The following PRR16 variants were observed in gnomAD, a reference collection of about 807,000 sequenced individuals.
The protein encoded by PRR16 is proline rich 16, also known as protein Largen.
Under a neutral mutation model 18.2 loss-of-function variants are expected in PRR16, and 6 were observed. That is an observed-to-expected ratio of 0.33 (90% CI 0.18 to 0.65). The LOEUF is 0.65. Among genes scored for constraint, PRR16 ranks in the 30% least tolerant of loss-of-function variants. The pLI is 0.74. For missense variants in PRR16, 412 were observed against 376.6 expected (o/e 1.09, Z -0.78); for synonymous variants, 151 against 147.8 (o/e 1.02, Z -0.16).
At chr5:120,677,790 A>C (rs2150151574) in intron 1 of PRR16, among the ~76,000 whole-genome samples, 1 of 152,182 alleles carries the variant, frequency 6.6e-6, no homozygotes, top group South Asian at 2.1e-4. Flanking sequence ...TAAAAAAGTA[A>C]GATTTAGGTT....
intron 1 of PRR16, among the ~76,000 whole-genome samples, chr5:120,480,557 T>C (rs969245879): frequency 1.5e-4 from 23 of 152,220 alleles, no homozygotes; most frequent in African/African-American, 5.5e-4. Flanking sequence ...TACTATCTAA[T>C]GGAGTTAACT....
the PRR16 span, among the ~76,000 whole-genome samples, chr5:120,730,337 A>G: frequency 6.6e-6 from 1 of 152,182 alleles, no homozygotes; most frequent in Non-Finnish European, 1.5e-5. Context: ...TTTAGTGTGA[A>G]GATGTGCAAT....
In PRR16 at chr5:120,667,203, G is replaced by A. The variant is rs199764613; in HGVS notation, c.160-18751G>A. ...TTAGTCTTGGGAGAGTGTATGTGTC[G>A]AGGAATTTATCCATTTAGATTTTCT... On this transcript the variant is annotated intron_variant, in intron 1 of 1. Transcript: ENST00000407149. Among the ~76,000 whole-genome samples the A allele has an allele frequency of 5.6e-4, 84 of 151,344 alleles. No individual in the cohort carries two copies. The East Asian group carries it at 0.014, about 25-fold the overall frequency.
chr5:120,490,330 T>A (rs1007194797), intron 1 of PRR16, among the ~76,000 whole-genome samples: 3 of 152,226 alleles, frequency 2.0e-5, no homozygotes, highest in African/African-American at 7.2e-5. Context: ...GTCCCATATT[T>A]CTTGGAGGCT....
At chr5:120,474,031 TG>T (rs1334906432) in intron 1 of PRR16, among the ~76,000 whole-genome samples, 1 of 152,094 alleles carries the variant, frequency 6.6e-6, no homozygotes, top group Non-Finnish European at 1.5e-5. Context: ...GGCCTTATAG[TG>T]GACAAGTTTC....
At chr5:120,587,614 C>T (rs1261106954) in intron 1 of PRR16, among the ~76,000 whole-genome samples, 2 of 152,122 alleles carry the variant, frequency 1.3e-5, no homozygotes, top group African/African-American at 4.8e-5. Context: ...CGATAAACTG[C>T]ATAAATTAAG....
At chr5:120,553,372 C>T (rs189371146) in intron 1 of PRR16, among the ~76,000 whole-genome samples, 1 of 152,024 alleles carries the variant, frequency 6.6e-6, no homozygotes, top group Admixed American at 6.6e-5. Flanking sequence ...GTTTATCAAA[C>T]ACATAATCTT....
At chr5:120,746,095 A>T in the PRR16 span, among the ~76,000 whole-genome samples, 1 of 151,374 alleles carries the variant, frequency 6.6e-6, no homozygotes, top group Non-Finnish European at 1.5e-5. Context: ...AGAGGCTTGT[A>T]TTTAGATTTG....
chr5:120,479,790 A>G (rs923884733), intron 1 of PRR16, among the ~76,000 whole-genome samples: 1 of 152,038 alleles, frequency 6.6e-6, no homozygotes, highest in Non-Finnish European at 1.5e-5. Flanking sequence ...ATAGTATTCA[A>G]ATTTGTTTGA....
Position 120,467,456 on chromosome 5 carries a change from G to C in PRR16, c.159+2811G>C, listed in dbSNP as rs147144999. Among the ~76,000 whole-genome samples the C allele has an allele frequency of 2.6e-5, 4 of 151,864 alleles. No homozygotes were observed. The East Asian group carries it at 5.8e-4, about 22-fold the overall frequency. Reference sequence around the variant, plus strand: ...TTAAAATGCAATCTTCTTTAATTCTGTTCTTTGTTTTTGTGTAATTTCTGC... The same window carrying C: ...TTAAAATGCAATCTTCTTTAATTCTCTTCTTTGTTTTTGTGTAATTTCTGC... On this transcript the variant is annotated intron_variant, in intron 1 of 1. Coordinates refer to ENST00000407149, the MANE Select transcript of PRR16 (RefSeq NM_001300783.2).
At chr5:120,607,004 A>G (rs1315231867) in intron 1 of PRR16, among the ~76,000 whole-genome samples, 1 of 152,238 alleles carries the variant, frequency 6.6e-6, no homozygotes, top group Non-Finnish European at 1.5e-5. Context: ...ATAATTTCCA[A>G]AACATGGGCA....
At chr5:120,584,093 T>C (rs940644623) in intron 1 of PRR16, among the ~76,000 whole-genome samples, 1 of 152,118 alleles carries the variant, frequency 6.6e-6, no homozygotes, top group South Asian at 2.1e-4. Context: ...GGAGGTCTTC[T>C]AGGCGAAGGG....
chr5:120,591,904 T>C (rs1282660491), intron 1 of PRR16, among the ~76,000 whole-genome samples: 1 of 152,162 alleles, frequency 6.6e-6, no homozygotes, highest in African/African-American at 2.4e-5. Flanking sequence ...AATTTTACAA[T>C]GGCATCTTCT....
At chr5:120,763,735 GT>G in the PRR16 span, among the ~76,000 whole-genome samples, 1 of 151,852 alleles carries the variant, frequency 6.6e-6, no homozygotes, top group Non-Finnish European at 1.5e-5. Flanking sequence ...TCTTTCATCA[GT>G]TTTTTGTAAG....
intron 1 of PRR16, among the ~76,000 whole-genome samples, chr5:120,478,305 T>A (rs192506051): frequency 6.6e-6 from 1 of 152,290 alleles, no homozygotes; most frequent in East Asian, 1.9e-4. Flanking sequence ...TTTATCTTCT[T>A]GCCTAATATA....
At chr5:120,589,818 A>G (rs1401939071) in intron 1 of PRR16, among the ~76,000 whole-genome samples, 1 of 152,094 alleles carries the variant, frequency 6.6e-6, no homozygotes, top group Non-Finnish European at 1.5e-5. Context: ...ACAATTCAAG[A>G]TGAGATTTGG....
chr5:120,599,759 GC>G (rs199597613), intron 1 of PRR16, among the ~76,000 whole-genome samples: 1,623 of 151,904 alleles, frequency 0.011, 13 homozygotes, highest in Non-Finnish European at 0.018. Flanking sequence ...CTGGCCTCTA[GC>G]CCAGCGTCTT....
Position 120,464,318 on chromosome 5 carries a change from TGTGCGGCCGCCCGGCCGAGC to T in PRR16, c.-167_-148del. 1 of 627,824 alleles carries T rather than the reference TGTGCGGCCGCCCGGCCGAGC, an allele frequency of 1.6e-6. No individual in the cohort carries two copies. The highest frequency in any genetic ancestry group is 2.4e-6 in the Non-Finnish European group (1 of 415,682). The allele number at this position is 627,824 out of a possible 1,614,324, so 38.9% of individuals were successfully genotyped here. A position where few individuals can be genotyped will look rare whatever the true frequency, so the allele number is the denominator to read the frequency against. On this transcript the variant is annotated 5_prime_UTR_variant, in exon 1 of 2. It introduces an in-frame stop codon into an upstream open reading frame of the 5' UTR. Coordinates refer to ENST00000407149, the MANE Select transcript of PRR16 (RefSeq NM_001300783.2). ...TCTCGGGAGTTGATGGCAGCACCAC[TGTGCGGCCGCCCGGCCGAGC>T]GCGGAGCGCAGCCACTCGCCGCTGC...
chr5:120,667,550 G>A (rs1756434511), intron 1 of PRR16, among the ~76,000 whole-genome samples: 1 of 150,708 alleles, frequency 6.6e-6, no homozygotes, highest in African/African-American at 2.4e-5. Flanking sequence ...TGATGTTAGG[G>A]TGTCAATTTT....
Sources: allele counts gnomAD v4.1 joint callset (sites outside exome capture counted in the v4.1 genomes callset), GRCh38; gene constraint gnomAD v4.1.1; transcripts MANE v1.5; gene names NCBI Gene and HGNC (gene_info 2026-07-23, HGNC 2026-07-21).